ELOVL2: variants seen among roughly 807,000 people sequenced by gnomAD.
The protein encoded by ELOVL2 is ELOVL fatty acid elongase 2.
In ELOVL2, 38 loss-of-function variants were observed where a neutral mutation model predicts 37.7. That is an observed-to-expected ratio of 1.01 (90% CI 0.78 to 1.32). The LOEUF is 1.32. ELOVL2 is among the 40% of genes most tolerant of loss of function. The pLI is 0.00. For synonymous variants in ELOVL2, 115 were observed against 122.3 expected (o/e 0.94, Z 0.40); for missense variants, 352 against 363.6 (o/e 0.97, Z 0.26).
At chr6:11,043,846 G>A (rs1783157014) in intron 1 of ELOVL2, 1 of 186,558 alleles carries the variant, frequency 5.4e-6, no homozygotes, top group Non-Finnish European at 1.1e-5. Context: ...CCGGAGGGTC[G>A]GAGGGTGGGC....
chr6:11,041,444 A>G (rs1036918978), intron 1 of ELOVL2, among the ~76,000 whole-genome samples: 1 of 152,208 alleles, frequency 6.6e-6, no homozygotes, highest in African/African-American at 2.4e-5. Context: ...TACTTTAAAA[A>G]TTGATTTTTT....
chr6:10,995,247 G>C, intron 4 of ELOVL2, 69 bp from the exon 5 acceptor site: 1 of 1,222,808 alleles, frequency 8.2e-7, no homozygotes, highest in Non-Finnish European at 1.1e-6. Context: ...CCCACTGCTC[G>C]GCCTTCTGCC....
chr6:11,014,859 A>G (rs1214940500), intron 1 of ELOVL2, among the ~76,000 whole-genome samples: 1 of 152,176 alleles, frequency 6.6e-6, no homozygotes, highest in Non-Finnish European at 1.5e-5. Flanking sequence ...TACCTAGTTT[A>G]TTTAACTTAT....
chr6:11,024,426 TAAGTA>T (rs1327890939), intron 1 of ELOVL2, among the ~76,000 whole-genome samples: 2 of 152,214 alleles, frequency 1.3e-5, no homozygotes, highest in East Asian at 1.9e-4. Flanking sequence ...AAATGTTCCT[TAAGTA>T]AATATAATCA....
intron 1 of ELOVL2, among the ~76,000 whole-genome samples, chr6:11,040,786 T>TCA (rs1783087183): frequency 6.6e-6 from 1 of 152,142 alleles, no homozygotes; most frequent in African/African-American, 2.4e-5. Flanking sequence ...CACCATCATA[T>TCA]TTGTTCCTCC....
At chr6:10,990,029 T>A (rs1150559) in intron 6 of ELOVL2, among the ~76,000 whole-genome samples, 192 bp from the exon 7 acceptor site, 5,848 of 152,278 alleles carry the variant, frequency 0.038, 304 homozygotes, top group African/African-American at 0.12. Context: ...TGCCCATGAT[T>A]TCCTCATGGA....
In ELOVL2 at chr6:10,982,446, G is replaced by A. The variant is rs542395699; in HGVS notation, c.*1335C>T. On this transcript the variant is annotated 3_prime_UTR_variant, in exon 8 of 8. Coordinates refer to ENST00000354666, the MANE Select transcript of ELOVL2 (RefSeq NM_017770.4). The stretch of plus-strand genomic sequence containing the variant: ...GGAGAGAAGATGAAGTGACTTCATC[G>A]AAGCTAACAAGTTTTATTTTATAGG... The A allele has an allele frequency of 7.9e-5, 12 of 152,120 alleles. No homozygotes were observed. Among genetic ancestry groups the A allele is most frequent in the African/African-American group, 2.7e-4 (11 of 41,492 alleles). The allele number at this position is 152,120 out of a possible 1,614,324, so 9.4% of individuals were successfully genotyped here. A position where few individuals can be genotyped will look rare whatever the true frequency, so the allele number is the denominator to read the frequency against.
At chr6:11,033,919 T>C (rs1782972389) in intron 1 of ELOVL2, among the ~76,000 whole-genome samples, 1 of 152,212 alleles carries the variant, frequency 6.6e-6, no homozygotes, top group Admixed American at 6.5e-5. Context: ...AAGATAAACA[T>C]GATTAAGTTT....
intron 5 of ELOVL2, among the ~76,000 whole-genome samples, chr6:10,992,737 G>A (rs1166450486): frequency 6.6e-6 from 1 of 150,454 alleles, no homozygotes; most frequent in Non-Finnish European, 1.5e-5. Context: ...GCAGTGAGCC[G>A]GGATTGTGCC....
chr6:11,003,698 A>G (rs927049812), intron 3 of ELOVL2, among the ~76,000 whole-genome samples: 2 of 152,186 alleles, frequency 1.3e-5, no homozygotes, highest in African/African-American at 4.8e-5. Flanking sequence ...TAACTCATCT[A>G]GGGAGCTAAA....
intron 6 of ELOVL2, 63 bp from the exon 7 acceptor site, chr6:10,989,900 C>T (rs1782121285): frequency 6.3e-7 from 1 of 1,595,366 alleles, no homozygotes; most frequent in South Asian, 1.1e-5. Context: ...GACACTGCGG[C>T]CAAGCTTGAT....
chr6:10,992,809 AC>A lies in ELOVL2; in HGVS notation c.505+2197del, dbSNP rs1303199106. 4.8e-4 allele frequency among the ~76,000 whole-genome samples: 72 copies of A among 150,466 alleles called. 2 individuals are homozygous for A. Among genetic ancestry groups the A allele is most frequent in the Middle Eastern group, 3.4e-3 (1 of 294 alleles). On this transcript the variant is annotated intron_variant, in intron 5 of 7. Coordinates refer to ENST00000354666, the MANE Select transcript of ELOVL2 (RefSeq NM_017770.4). ...CTCAAAAAAAACAAAACAAAAAAAA[AC>A]AAAAAAAAACAGGATTAAAAAATAT...
rs890195573 is a variant in ELOVL2 at position 10,990,420 on chromosome 6, G to A, written c.528C>T (p.Asn176=). Residue 176 remains asparagine, a synonymous_variant, in exon 6 of 8, where the codon AAC becomes AAT. Coordinates refer to ENST00000354666, the MANE Select transcript of ELOVL2 (RefSeq NM_017770.4). The part of the protein sequence containing the change: ...CGQSFFGPTL[N]SFIHILMYSY... ...AGTACATAAGAATGTGGATAAAACT[G>A]TTCAGTGTTGGTCCAAAGAAACCTA... 1.8e-5 allele frequency: 29 copies of A among 1,604,812 alleles called. No homozygotes were observed. Among genetic ancestry groups the A allele is most frequent in the Non-Finnish European group, 2.5e-5 (29 of 1,176,956 alleles).
intron 5 of ELOVL2, among the ~76,000 whole-genome samples, chr6:10,993,780 C>A (rs550908516): frequency 6.6e-6 from 1 of 151,876 alleles, no homozygotes; most frequent in African/African-American, 2.4e-5. Flanking sequence ...CTCTGCCTCC[C>A]GGGCTCAAGC....
At chr6:10,991,131 G>A (rs1393132024) in intron 5 of ELOVL2, among the ~76,000 whole-genome samples, 1 of 152,202 alleles carries the variant, frequency 6.6e-6, no homozygotes, top group Non-Finnish European at 1.5e-5. Context: ...AGGTGAATAA[G>A]GCTTCAGGAA....
intron 7 of ELOVL2, among the ~76,000 whole-genome samples, chr6:10,986,542 A>C (rs1478179432): frequency 6.6e-6 from 1 of 152,176 alleles, no homozygotes; most frequent in East Asian, 1.9e-4. Flanking sequence ...TAATTTACTG[A>C]GAGTTTTTAG....
intron 3 of ELOVL2, among the ~76,000 whole-genome samples, chr6:11,003,404 G>A (rs986625125): frequency 1.1e-4 from 17 of 152,178 alleles, no homozygotes; most frequent in African/African-American, 3.9e-4. Flanking sequence ...AACATGTGGT[G>A]TTTGGTTTTC....
chr6:10,996,924 C>CGCTT (rs1051869263), intron 4 of ELOVL2, among the ~76,000 whole-genome samples: 4 of 151,660 alleles, frequency 2.6e-5, no homozygotes, highest in African/African-American at 9.7e-5. Context: ...GCAGAAGAAT[C>CGCTT]GCTTGAACCC....
At chr6:11,022,262 C>T (rs192186006) in intron 1 of ELOVL2, among the ~76,000 whole-genome samples, 1 of 152,278 alleles carries the variant, frequency 6.6e-6, no homozygotes, top group South Asian at 2.1e-4. Flanking sequence ...AGACAAGAAT[C>T]GGTGTCCAGC....
Sources: allele counts gnomAD v4.1 joint callset (sites outside exome capture counted in the v4.1 genomes callset), GRCh38; gene constraint gnomAD v4.1.1; transcripts MANE v1.5; gene names NCBI Gene and HGNC (gene_info 2026-07-23, HGNC 2026-07-21).